KCNH5: variants seen among roughly 807,000 people sequenced by gnomAD.
KCNH5 encodes the protein voltage-gated delayed rectifier potassium channel KCNH5.
In KCNH5, 46 loss-of-function variants were observed where a neutral mutation model predicts 96.1. The ratio of observed to expected loss-of-function variants is 0.48; its 90% CI spans 0.38 to 0.61. The LOEUF is 0.61. Ranked by LOEUF, KCNH5 falls within the 20% of genes least tolerant of loss-of-function variation. The pLI, the probability that KCNH5 is intolerant of heterozygous loss-of-function variation, is 0.00. For missense variants in KCNH5, 907 were observed against 1,225.8 expected, an observed-to-expected ratio of 0.74 and a Z score of 3.88; for synonymous variants, 439 against 449.8, an observed-to-expected ratio of 0.98 and a Z score of 0.30.
chr14:62,848,603 TAAC>T (rs1887744191), intron 8 of KCNH5, among the ~76,000 whole-genome samples: 2 of 152,162 alleles, frequency 1.3e-5, no homozygotes, highest in Admixed American at 6.6e-5. Flanking sequence ...AACCTATTCC[TAAC>T]AACACCTGCC....
intron 6 of KCNH5, among the ~76,000 whole-genome samples, chr14:62,957,898 T>C (rs959585137): frequency 6.6e-6 from 1 of 152,186 alleles, no homozygotes; most frequent in African/African-American, 2.4e-5. Context: ...AACCACCCAA[T>C]TGAACTGCAG....
chr14:62,856,767 A>G (rs1479801174), intron 7 of KCNH5, among the ~76,000 whole-genome samples: 1 of 151,896 alleles, frequency 6.6e-6, no homozygotes, highest in African/African-American at 2.4e-5. Context: ...GCTACGAGCC[A>G]GGCAATTTCT....
intron 7 of KCNH5, among the ~76,000 whole-genome samples, chr14:62,909,703 T>C (rs1889111749): frequency 6.6e-6 from 1 of 151,990 alleles, no homozygotes; most frequent in Non-Finnish European, 1.5e-5. Context: ...TTGCTTCCTT[T>C]GCTCACCCGC....
intron 10 of KCNH5, among the ~76,000 whole-genome samples, chr14:62,729,908 A>G (rs1447523727): frequency 6.6e-5 from 10 of 152,216 alleles, no homozygotes; most frequent in African/African-American, 2.4e-4. Context: ...GGGTCCCTGA[A>G]TCACACAATG....
At chr14:62,722,939 CTGCTAA>C (rs1189342328) in intron 10 of KCNH5, among the ~76,000 whole-genome samples, 2 of 152,188 alleles carry the variant, frequency 1.3e-5, no homozygotes, top group African/African-American at 4.8e-5. Flanking sequence ...TATATCGACA[CTGCTAA>C]TGCTATGTAC....
At chr14:63,005,448 C>T (rs973150917) in intron 3 of KCNH5, among the ~76,000 whole-genome samples, 3 of 152,142 alleles carry the variant, frequency 2.0e-5, no homozygotes, top group African/African-American at 7.2e-5. Context: ...ATGGAACAGG[C>T]GTTTCCTGTT....
At chr14:62,782,615 C>T (rs1233351279) in intron 9 of KCNH5, among the ~76,000 whole-genome samples, 1 of 152,088 alleles carries the variant, frequency 6.6e-6, no homozygotes, top group East Asian at 1.9e-4. Flanking sequence ...TCGAGACCAT[C>T]CTGGCTAACA....
intron 7 of KCNH5, among the ~76,000 whole-genome samples, chr14:62,923,014 T>C (rs529516530): frequency 6.6e-6 from 1 of 152,060 alleles, no homozygotes; most frequent in South Asian, 2.1e-4. Flanking sequence ...GCAGACCTTA[T>C]ATATAGAAAA....
chr14:62,923,012 T>C (rs945059270), intron 7 of KCNH5, among the ~76,000 whole-genome samples: 1 of 151,876 alleles, frequency 6.6e-6, no homozygotes, highest in African/African-American at 2.4e-5. Flanking sequence ...TTGCAGACCT[T>C]ATATATAGAA....
chr14:62,895,145 G>C (rs8015097), intron 7 of KCNH5, among the ~76,000 whole-genome samples: 84,378 of 151,984 alleles, frequency 0.56, 24,154 homozygotes, highest in East Asian at 0.71. Flanking sequence ...GAGATGGCAA[G>C]GTTCTTTCCT....
chr14:62,856,421 T>C (rs1320005063), intron 7 of KCNH5, among the ~76,000 whole-genome samples: 3 of 152,244 alleles, frequency 2.0e-5, no homozygotes, highest in Admixed American at 2.0e-4. Flanking sequence ...TTTAAACTAT[T>C]GATATGATAA....
intron 4 of KCNH5, among the ~76,000 whole-genome samples, chr14:63,000,999 T>C (rs1234974595): frequency 1.3e-5 from 2 of 152,096 alleles, no homozygotes; most frequent in Non-Finnish European, 2.9e-5. Context: ...CACTTGAGAC[T>C]GGGAGATGGA....
At chr14:62,969,866 AC>A (rs1281256927) in intron 6 of KCNH5, among the ~76,000 whole-genome samples, 4 of 141,680 alleles carry the variant, frequency 2.8e-5, no homozygotes, top group Non-Finnish European at 6.0e-5. Context: ...ACTCGAGACC[AC>A]CCTGGGCAAC....
chr14:62,921,684 T>C (rs1031068817), intron 7 of KCNH5, among the ~76,000 whole-genome samples: 1 of 152,114 alleles, frequency 6.6e-6, no homozygotes, highest in African/African-American at 2.4e-5. Context: ...AAAAACACCC[T>C]GAAACAACTT....
At chr14:63,021,484 C>G (rs143682717) in intron 1 of KCNH5, among the ~76,000 whole-genome samples, 1 of 152,104 alleles carries the variant, frequency 6.6e-6, no homozygotes, top group Non-Finnish European at 1.5e-5. Context: ...CTTTGCCCAT[C>G]AAAACACTTA....
At chr14:62,970,044 T>TAAAAAAAAAAAAAAA (rs373852520) in intron 6 of KCNH5, among the ~76,000 whole-genome samples, 3 of 30,404 alleles carry the variant, frequency 9.9e-5, no homozygotes, top group Admixed American at 4.5e-4. Flanking sequence ...AGACTCCGTC[T>TAAAAAAAAAAAAAAA]AAAAAAAAAA....
rs942335527 is a variant in KCNH5 at position 63,018,667 on chromosome 14, G to A, written c.74-1713C>T. ...AAAAATGTAGAAATTAGACCAACACGAAAAATAATCTTAAAATCAAGTCTC... is the reference window on the plus strand; with the variant it reads ...AAAAATGTAGAAATTAGACCAACACAAAAAATAATCTTAAAATCAAGTCTC... On this transcript the variant is annotated intron_variant, in intron 1 of 10. Transcript: ENST00000322893. Among the ~76,000 whole-genome samples, 12 of 152,060 alleles carry A rather than the reference G, an allele frequency of 7.9e-5. No individual in the cohort carries two copies. The East Asian group carries it at 1.2e-3, about 15-fold the overall frequency.
chr14:62,944,764 C>T (rs1249338486), intron 7 of KCNH5, among the ~76,000 whole-genome samples: 1 of 152,060 alleles, frequency 6.6e-6, no homozygotes, highest in Non-Finnish European at 1.5e-5. Flanking sequence ...GGAAATATCC[C>T]ATGAAATTAC....
At chr14:62,901,194 A>T (rs548385363) in intron 7 of KCNH5, among the ~76,000 whole-genome samples, 61 of 152,206 alleles carry the variant, frequency 4.0e-4, no homozygotes, top group South Asian at 1.2e-3. Context: ...ATTCGATTTT[A>T]AAATGTTTTT....
Sources: gnomAD v4.1 joint callset for allele counts (sites outside exome capture counted in the v4.1 genomes callset) on GRCh38, gnomAD v4.1.1 for gene constraint, MANE v1.5 for transcripts, NCBI Gene and HGNC (gene_info 2026-07-23, HGNC 2026-07-21) for gene names.